The following RGS6 variants were observed in gnomAD, a reference collection of about 807,000 sequenced individuals.
RGS6 encodes regulator of G-protein signaling 6.
RGS6 carries 30 observed loss-of-function variants against 78.5 expected under a neutral mutation model. The ratio of observed to expected loss-of-function variants is 0.38; its 90% CI spans 0.29 to 0.52. The LOEUF (loss-of-function observed/expected upper bound fraction) is 0.52, where lower values mean the gene tolerates loss of function less well. Among genes scored for constraint, RGS6 ranks in the 20% least tolerant of loss-of-function variants. RGS6 has a pLI of 0.85. For synonymous variants in RGS6, 206 were observed against 206.0 expected (o/e 1.00, Z 0.00); for missense variants, 495 against 609.7 (o/e 0.81, Z 1.98).
intron 2 of RGS6, among the ~76,000 whole-genome samples, chr14:72,020,167 G>A (rs1007827240): frequency 6.6e-6 from 1 of 152,190 alleles, no homozygotes; most frequent in Non-Finnish European, 1.5e-5. Flanking sequence ...AGTCAATTAT[G>A]AATTTTCTAA....
intron 2 of RGS6, among the ~76,000 whole-genome samples, chr14:72,099,993 G>A (rs987151330): frequency 2.0e-5 from 3 of 152,070 alleles, no homozygotes; most frequent in Non-Finnish European, 2.9e-5. Flanking sequence ...ATTTGGTTCC[G>A]AAAGCCAAGC....
intron 12 of RGS6, among the ~76,000 whole-genome samples, chr14:72,493,305 C>G (rs1019912278): frequency 8.5e-5 from 13 of 152,082 alleles, no homozygotes; most frequent in African/African-American, 3.1e-4. Flanking sequence ...CTCATATTAT[C>G]TGAGAAATGA....
At chr14:72,233,588 T>G (rs2050223565) in intron 2 of RGS6, among the ~76,000 whole-genome samples, 4 of 152,220 alleles carry the variant, frequency 2.6e-5, no homozygotes, top group Admixed American at 2.6e-4. Flanking sequence ...TGATTCTTTG[T>G]ATACTTGTTA....
At chr14:71,946,042 C>G (rs1289094084) in intron 1 of RGS6, among the ~76,000 whole-genome samples, 1 of 152,090 alleles carries the variant, frequency 6.6e-6, no homozygotes, top group Non-Finnish European at 1.5e-5. Context: ...GACCATACAT[C>G]CTAATACAAA....
chr14:72,369,895 ATC>A (rs778639520), intron 3 of RGS6, among the ~76,000 whole-genome samples: 49 of 152,264 alleles, frequency 3.2e-4, no homozygotes, highest in Non-Finnish European at 6.6e-4. Context: ...ACATAAAATA[ATC>A]TCTTAAAATA....
chr14:71,881,568 A>T, the RGS6 span, among the ~76,000 whole-genome samples: 1 of 152,194 alleles, frequency 6.6e-6, no homozygotes, highest in South Asian at 2.1e-4. Context: ...GGGAAACCCC[A>T]TTCCCTCAGT....
chr14:72,315,532 C>A (rs1234732489), intron 2 of RGS6, among the ~76,000 whole-genome samples: 5 of 152,190 alleles, frequency 3.3e-5, no homozygotes. Context: ...CAAAATAAAT[C>A]CCCCTGCATT....
chr14:71,975,613 C>A (rs899524863), intron 2 of RGS6, among the ~76,000 whole-genome samples: 2 of 152,062 alleles, frequency 1.3e-5, no homozygotes, highest in Non-Finnish European at 2.9e-5. Flanking sequence ...TGCGTGCCAC[C>A]ACGCCCAAAT....
intron 2 of RGS6, among the ~76,000 whole-genome samples, chr14:72,345,910 T>G (rs1566581427): frequency 6.6e-6 from 1 of 152,196 alleles, no homozygotes; most frequent in Non-Finnish European, 1.5e-5. Flanking sequence ...GCCTGCTCAA[T>G]GAAGCATGCA....
chr14:71,965,321 A>G (rs2153052789), intron 2 of RGS6, among the ~76,000 whole-genome samples: 1 of 152,350 alleles, frequency 6.6e-6, no homozygotes, highest in Admixed American at 6.5e-5. Context: ...CTAAATGTTA[A>G]TTTCCAAAAT....
At chr14:72,026,428 C>T (rs964494128) in intron 2 of RGS6, among the ~76,000 whole-genome samples, 6 of 152,108 alleles carry the variant, frequency 3.9e-5, no homozygotes, top group African/African-American at 1.4e-4. Context: ...AAAAAGTAGC[C>T]ATCAGAACCC....
At chr14:72,398,261 CT>C (rs777836335) in intron 3 of RGS6, among the ~76,000 whole-genome samples, 147 of 152,290 alleles carry the variant, frequency 9.7e-4, no homozygotes, top group Non-Finnish European at 1.7e-3. Context: ...GATTCAACTT[CT>C]TCCTGGTTTA....
intron 2 of RGS6, among the ~76,000 whole-genome samples, chr14:72,132,395 C>T (rs943414510): frequency 6.6e-6 from 1 of 151,674 alleles, no homozygotes; most frequent in African/African-American, 2.4e-5. Flanking sequence ...TCCTTGAACT[C>T]GGCCTCCCAC....
At chr14:72,126,596 C>A (rs1344288749) in intron 2 of RGS6, among the ~76,000 whole-genome samples, 2 of 152,316 alleles carry the variant, frequency 1.3e-5, no homozygotes, top group South Asian at 2.1e-4. Context: ...CACTGAATTC[C>A]TTAAGGCCTT....
the RGS6 span, among the ~76,000 whole-genome samples, chr14:72,584,876 C>G: frequency 1.3e-5 from 2 of 152,078 alleles, no homozygotes; most frequent in Admixed American, 1.3e-4. Flanking sequence ...AAAAATGAAG[C>G]AGGCAAGTAT....
intron 2 of RGS6, among the ~76,000 whole-genome samples, chr14:72,291,609 A>G (rs755387932): frequency 1.3e-5 from 2 of 152,200 alleles, no homozygotes; most frequent in Non-Finnish European, 2.9e-5. Context: ...TGTTTGTTGA[A>G]TTGAGAACAG....
chr14:72,201,411 T>C (rs1265660416), intron 2 of RGS6, among the ~76,000 whole-genome samples: 1 of 152,206 alleles, frequency 6.6e-6, no homozygotes, highest in Non-Finnish European at 1.5e-5. Flanking sequence ...TCATGAATAA[T>C]TGCAATCTAG....
intron 14 of RGS6, 80 bp downstream of exon 14, chr14:72,510,359 C>G: frequency 6.5e-7 from 1 of 1,547,100 alleles, no homozygotes; most frequent in Non-Finnish European, 8.9e-7. Flanking sequence ...CTCTCTCTCT[C>G]TCAATGAAAC....
At chr14:72,427,608 TGGA>T (rs1473957898) in intron 3 of RGS6, among the ~76,000 whole-genome samples, 1 of 152,226 alleles carries the variant, frequency 6.6e-6, no homozygotes, top group Non-Finnish European at 1.5e-5. Context: ...GTGGCAGGGA[TGGA>T]GGAGTCTTGC....
Sources: allele counts gnomAD v4.1 joint callset (sites outside exome capture counted in the v4.1 genomes callset), GRCh38; gene constraint gnomAD v4.1.1; transcripts MANE v1.5; gene names NCBI Gene and HGNC (gene_info 2026-07-23, HGNC 2026-07-21).